Variants in DGKB observed in about 807,000 individuals in gnomAD.
The protein encoded by DGKB is diacylglycerol kinase beta.
Under a neutral mutation model 114.3 loss-of-function variants are expected in DGKB, and 67 were observed. The ratio of observed to expected loss-of-function variants is 0.59; its 90% CI spans 0.48 to 0.72. DGKB has a LOEUF of 0.72. Ranked by LOEUF, DGKB falls within the 30% of genes least tolerant of loss-of-function variation. DGKB has a pLI of 0.00. For missense variants in DGKB, 907 were observed against 975.2 expected (o/e 0.93, Z 0.93); for synonymous variants, 398 against 323.1 (o/e 1.23, Z -2.49).
At chr7:14,946,283 T>C (rs1169931909) in intron 1 of DGKB, among the ~76,000 whole-genome samples, 1 of 151,686 alleles carries the variant, frequency 6.6e-6, no homozygotes, top group East Asian at 1.9e-4. Flanking sequence ...ATCTTGACTT[T>C]TGACAGAGTT....
At chr7:14,883,915 T>C (rs1489346508) in intron 1 of DGKB, among the ~76,000 whole-genome samples, 2 of 152,008 alleles carry the variant, frequency 1.3e-5, no homozygotes, top group African/African-American at 2.4e-5. Flanking sequence ...CACCAATTAA[T>C]AAATAGGTGC....
chr7:14,443,893 T>C (rs938368486), intron 21 of DGKB, among the ~76,000 whole-genome samples: 18 of 152,064 alleles, frequency 1.2e-4, no homozygotes, highest in African/African-American at 4.1e-4. Flanking sequence ...CACCTTCTAT[T>C]TATCATTTAC....
chr7:14,873,038 A>G (rs564286550), intron 1 of DGKB, among the ~76,000 whole-genome samples: 56 of 152,256 alleles, frequency 3.7e-4, no homozygotes, highest in African/African-American at 1.3e-3. Flanking sequence ...AAAAGTAACC[A>G]GAAACGAAAA....
At chr7:14,254,483 A>G (rs1050033703) in intron 23 of DGKB, among the ~76,000 whole-genome samples, 3 of 152,168 alleles carry the variant, frequency 2.0e-5, no homozygotes, top group Non-Finnish European at 2.9e-5. Flanking sequence ...TTTGAGTTTC[A>G]ACTCAGATAT....
At chr7:14,630,975 C>T (rs921981081) in intron 13 of DGKB, among the ~76,000 whole-genome samples, 1 of 149,308 alleles carries the variant, frequency 6.7e-6, no homozygotes, top group Admixed American at 6.7e-5. Context: ...GAAATGAGAA[C>T]ATAAAATACA....
chr7:14,403,361 T>C (rs986856834), intron 21 of DGKB, among the ~76,000 whole-genome samples: 6 of 151,982 alleles, frequency 3.9e-5, no homozygotes, highest in Admixed American at 6.6e-5. Flanking sequence ...TTAATCCTCA[T>C]GCTTATTGGA....
At chr7:14,432,457 T>C (rs912171205) in intron 21 of DGKB, among the ~76,000 whole-genome samples, 2 of 152,190 alleles carry the variant, frequency 1.3e-5, no homozygotes, top group African/African-American at 2.4e-5. Context: ...ACTCCTAAAT[T>C]AATTCCAGCT....
At chr7:14,921,164 T>C (rs1033618328) in intron 1 of DGKB, among the ~76,000 whole-genome samples, 1 of 151,816 alleles carries the variant, frequency 6.6e-6, no homozygotes, top group Non-Finnish European at 1.5e-5. Flanking sequence ...TTTCCAGAGG[T>C]TTTGGAGGGA....
intron 1 of DGKB, among the ~76,000 whole-genome samples, chr7:14,859,646 C>CT (rs1243406204): frequency 6.6e-6 from 1 of 152,094 alleles, no homozygotes; most frequent in Admixed American, 6.6e-5. Flanking sequence ...CACAAATTTT[C>CT]TTTTCCATTC....
intron 4 of DGKB, among the ~76,000 whole-genome samples, chr7:14,745,903 A>G (rs2128421102): frequency 6.6e-6 from 1 of 152,178 alleles, no homozygotes; most frequent in East Asian, 1.9e-4. Flanking sequence ...AATAAGCAAC[A>G]CATTTCTTCT....
At chr7:14,894,372 T>C (rs1346053114) in intron 1 of DGKB, among the ~76,000 whole-genome samples, 1 of 151,442 alleles carries the variant, frequency 6.6e-6, no homozygotes, top group Non-Finnish European at 1.5e-5. Flanking sequence ...TGGCACCTTC[T>C]CTTTGATCAG....
At chr7:14,817,815 C>A (rs188234815) in intron 2 of DGKB, among the ~76,000 whole-genome samples, 4 of 151,922 alleles carry the variant, frequency 2.6e-5, no homozygotes, top group African/African-American at 4.8e-5. Context: ...AATGATATAG[C>A]GCAAAGTGAA....
chr7:14,172,892 G>C (rs144425802), intron 25 of DGKB, among the ~76,000 whole-genome samples: 1 of 152,106 alleles, frequency 6.6e-6, no homozygotes, highest in African/African-American at 2.4e-5. Flanking sequence ...CCCATTATAA[G>C]AACATATTGA....
chr7:14,644,100 CTGATT>C (rs1046317569), intron 13 of DGKB, among the ~76,000 whole-genome samples: 28 of 147,234 alleles, frequency 1.9e-4, no homozygotes, highest in Non-Finnish European at 1.8e-4. Context: ...ACATATGCTA[CTGATT>C]TGATTACAGG....
chr7:14,661,367 A>G (rs1817034823), intron 13 of DGKB, among the ~76,000 whole-genome samples: 2 of 145,822 alleles, frequency 1.4e-5, no homozygotes, highest in African/African-American at 5.0e-5. Flanking sequence ...AGAAAAAAAC[A>G]AACAACCCCA....
At chr7:14,757,589 G>T (rs2128446882) in intron 3 of DGKB, 66 bp downstream of exon 3, 1 of 909,808 alleles carries the variant, frequency 1.1e-6, no homozygotes, top group Non-Finnish European at 1.8e-6. Flanking sequence ...TCCAAGAATT[G>T]TTTATTAAGA....
chr7:14,941,010 A>C (rs531484546), intron 1 of DGKB, among the ~76,000 whole-genome samples: 15 of 152,184 alleles, frequency 9.9e-5, no homozygotes, highest in African/African-American at 2.9e-4. Flanking sequence ...GTATTATTGA[A>C]TTGTCAAAGT....
chr7:14,873,016 G>C (rs1247267359), intron 1 of DGKB, among the ~76,000 whole-genome samples: 1 of 152,006 alleles, frequency 6.6e-6, no homozygotes, highest in Non-Finnish European at 1.5e-5. Context: ...CGATGCCAAA[G>C]TGTAAGTTCT....
chr7:14,757,475 C>CATATAT (rs144689208), intron 3 of DGKB, among the ~76,000 whole-genome samples, 180 bp downstream of exon 3: 2 of 149,534 alleles, frequency 1.3e-5, no homozygotes, highest in East Asian at 2.0e-4. Context: ...TTATGGTGTG[C>CATATAT]ATATATATAT....
Sources: gnomAD v4.1 joint callset for allele counts (sites outside exome capture counted in the v4.1 genomes callset) on GRCh38, gnomAD v4.1.1 for gene constraint, MANE v1.5 for transcripts, NCBI Gene and HGNC (gene_info 2026-07-23, HGNC 2026-07-21) for gene names.